The following BDKRB2 variants were observed in gnomAD, a reference collection of about 807,000 sequenced individuals.
BDKRB2 encodes B2 bradykinin receptor.
In BDKRB2, 6 loss-of-function variants were observed where a neutral mutation model predicts 4.0. The ratio of observed to expected loss-of-function variants is 1.49; its 90% CI spans 0.81 to 2.93. BDKRB2 has a LOEUF of 2.93. Among genes scored for constraint, BDKRB2 ranks in the 30% most tolerant of loss-of-function variants. BDKRB2 has a pLI of 0.00. For missense variants in BDKRB2, 478 were observed against 520.1 expected (o/e 0.92, Z 0.79); for synonymous variants, 225 against 215.3 (o/e 1.05, Z -0.40).
chr14:96,239,109 G>A, intron 2 of BDKRB2: 2 of 985,460 alleles, frequency 2.0e-6, no homozygotes, highest in Non-Finnish European at 2.4e-6. Context: ...TCCTCCATGA[G>A]CCTGACTATC....
At chr14:96,219,683 C>T (rs1890510332) in intron 1 of BDKRB2, among the ~76,000 whole-genome samples, 1 of 151,964 alleles carries the variant, frequency 6.6e-6, no homozygotes, top group Non-Finnish European at 1.5e-5. Context: ...ACAAATATTT[C>T]CTGAGCCCCT....
At chr14:96,220,228 G>A (rs1463514736) in intron 1 of BDKRB2, among the ~76,000 whole-genome samples, 2 of 151,914 alleles carry the variant, frequency 1.3e-5, no homozygotes, top group African/African-American at 4.8e-5. Context: ...CCTGAGAGTT[G>A]TGTGGTCCTG....
chr14:96,222,816 TA>T (rs1267505030), intron 1 of BDKRB2, among the ~76,000 whole-genome samples: 2 of 152,114 alleles, frequency 1.3e-5, no homozygotes, highest in Non-Finnish European at 2.9e-5. Context: ...GATTACATAT[TA>T]AAATAATGTT....
In BDKRB2 at chr14:96,241,102, G is replaced by A; in HGVS notation, c.774G>A (p.Lys258=). ...TGCTGCGGAACAACGAGATGCAGAA[G>A]TTCAAGGAGATCCAGACAGAGAGGA... ...MQVLRNNEMQ[K]FKEIQTERRA... Residue 258 remains lysine (K), a synonymous_variant, in exon 3 of 3, where the codon AAG becomes AAA. Coordinates refer to ENST00000554311, the MANE Select transcript of BDKRB2 (RefSeq NM_001379692.1). The A allele has an allele frequency of 6.2e-7, 1 of 1,613,922 alleles. No individual in the cohort carries two copies. Among genetic ancestry groups the A allele is most frequent in the Non-Finnish European group, 8.5e-7 (1 of 1,179,970 alleles).
At chr14:96,208,254 G>C (rs1890233898) in intron 1 of BDKRB2, among the ~76,000 whole-genome samples, 2 of 152,130 alleles carry the variant, frequency 1.3e-5, no homozygotes, top group Non-Finnish European at 2.9e-5. Flanking sequence ...ACCCACTCCA[G>C]GGTTGTTTTC....
chr14:96,209,867 A>G (rs1035085539), intron 1 of BDKRB2, among the ~76,000 whole-genome samples: 7 of 152,116 alleles, frequency 4.6e-5, no homozygotes, highest in Admixed American at 3.9e-4. Flanking sequence ...ACGGTGGTGC[A>G]TGCCTGTAGT....
chr14:96,233,161 G>A (rs575808848), intron 1 of BDKRB2, among the ~76,000 whole-genome samples: 10 of 152,246 alleles, frequency 6.6e-5, no homozygotes, highest in Middle Eastern at 3.4e-3. Context: ...CAGGTAGTTA[G>A]GACCAGGACT....
At chr14:96,217,398 TATC>T (rs1304200167) in intron 1 of BDKRB2, among the ~76,000 whole-genome samples, 2 of 152,216 alleles carry the variant, frequency 1.3e-5, no homozygotes, top group African/African-American at 4.8e-5. Flanking sequence ...TAATCTATCT[TATC>T]ATCCTCCTTT....
chr14:96,238,071 CT>C lies in BDKRB2; in HGVS notation c.74+891del, dbSNP rs1196962545. 4.7e-6 allele frequency: 5 copies of C among 1,066,338 alleles called. No individual in the cohort carries two copies. The African/African-American group carries it at 8.4e-5, about 18-fold the overall frequency. 66.1% of individuals were successfully genotyped at this position (1,066,338 alleles called of 1,614,324 possible). ...CCTTCAGAGGACTCTGGAAAGGAGG[CT>C]GCAAGTTTTCATGGGTCAAGAATTC... On this transcript the variant is annotated intron_variant, in intron 2 of 2. Transcript: ENST00000554311.
Position 96,240,450 on chromosome 14 carries a change from C to A in BDKRB2, c.122C>A (p.Thr41Asn). 1 of 1,505,526 alleles carries A rather than the reference C, an allele frequency of 6.6e-7. No homozygotes were observed. The highest frequency in any genetic ancestry group is 2.4e-5 in the Admixed American group (1 of 42,010). The allele number at this position is 1,505,526 out of a possible 1,614,324, so 93.3% of individuals were successfully genotyped here. A position where few individuals can be genotyped will look rare whatever the true frequency, so the allele number is the denominator to read the frequency against. ...TTGCAAGGGCCCACTCTTAACGGGA[C>A]CTTTGCCCAGAGCAAATGCCCCCAA... ...VTLQGPTLNGTFAQSKCPQVE... is the reference protein window; with the variant it reads ...VTLQGPTLNGNFAQSKCPQVE... Residue 41 changes from threonine to asparagine, a missense_variant, in exon 3 of 3, where the codon ACC (threonine) becomes AAC (asparagine). Thr to Asn is a moderately conservative substitution (Grantham distance 65). Transcript: ENST00000554311.
chr14:96,213,003 A>T (rs553198130), intron 1 of BDKRB2, among the ~76,000 whole-genome samples: 1 of 152,080 alleles, frequency 6.6e-6, no homozygotes, highest in Non-Finnish European at 1.5e-5. Context: ...GTATTTTTTT[A>T]ATAGTCAATA....
chr14:96,205,950 C>T (rs1890169675), intron 1 of BDKRB2, among the ~76,000 whole-genome samples: 1 of 152,154 alleles, frequency 6.6e-6, no homozygotes, highest in Non-Finnish European at 1.5e-5. Flanking sequence ...CCCCAGCCTA[C>T]AGGAAGTGGG....
At chr14:96,223,341 G>T in intron 1 of BDKRB2, 1 of 1,011,490 alleles carries the variant, frequency 9.9e-7, no homozygotes. Context: ...AGAAGCCAAA[G>T]AAATGAAGCT....
chr14:96,209,834 A>G (rs998668359), intron 1 of BDKRB2, among the ~76,000 whole-genome samples: 1 of 152,078 alleles, frequency 6.6e-6, no homozygotes, highest in Non-Finnish European at 1.5e-5. Flanking sequence ...TGTCTCTACT[A>G]AAAATACAAA....
rs542400678 is a variant in BDKRB2, at chr14:96,225,951, GACC to G, written c.-39-11113_-39-11111del. Among the ~76,000 whole-genome samples, 55 of 152,252 alleles carry G rather than the reference GACC, an allele frequency of 3.6e-4. 1 individual carries two copies. In the South Asian group the frequency reaches 8.9e-3, roughly 25 times the overall value. ...CCTGTGCCATCCCCAGGACACCGGA[GACC>G]ACCAGGGGGCTGGAGAGGCTGCGGG... On this transcript the variant is annotated intron_variant, in intron 1 of 2. Transcript: ENST00000554311.
intron 1 of BDKRB2, among the ~76,000 whole-genome samples, chr14:96,214,454 G>A (rs1323973248): frequency 1.3e-5 from 2 of 152,198 alleles, no homozygotes; most frequent in African/African-American, 2.4e-5. Context: ...CGGGGACAAT[G>A]CTCCTTATCC....
chr14:96,230,637 A>G (rs1225753797), intron 1 of BDKRB2, among the ~76,000 whole-genome samples: 2 of 125,368 alleles, frequency 1.6e-5, no homozygotes, highest in Admixed American at 1.7e-4. Context: ...TTTTTTTTTG[A>G]GATGGAGTCT....
At chr14:96,229,275 G>A (rs982308919) in intron 1 of BDKRB2, among the ~76,000 whole-genome samples, 1 of 152,024 alleles carries the variant, frequency 6.6e-6, no homozygotes, top group Non-Finnish European at 1.5e-5. Context: ...GCTTGCAGGG[G>A]GATATCAGTC....
In BDKRB2 at chr14:96,243,279, T is replaced by G. The variant is rs1378772868; in HGVS notation, c.*1775T>G. 1 of 100,100 alleles carries G rather than the reference T, an allele frequency of 1.0e-5. No individual in the cohort carries two copies. The highest frequency in any genetic ancestry group is 4.1e-5 in the African/African-American group (1 of 24,624). The allele number at this position is 100,100 out of a possible 1,614,324, so 6.2% of individuals were successfully genotyped here. A position where few individuals can be genotyped will look rare whatever the true frequency, so the allele number is the denominator to read the frequency against. ...AGGGCTAGAACCTGGAGGGCTGGAA[T>G]CTGGAGAGCTAGAACCTGGAGGGCT... On this transcript the variant is annotated 3_prime_UTR_variant, in exon 3 of 3. Transcript: ENST00000554311.
Sources: gnomAD v4.1 joint callset for allele counts (sites outside exome capture counted in the v4.1 genomes callset) on GRCh38, gnomAD v4.1.1 for gene constraint, MANE v1.5 for transcripts, NCBI Gene and HGNC (gene_info 2026-07-23, HGNC 2026-07-21) for gene names.